Variants in CNTLN observed in about 807,000 individuals in gnomAD.
The protein encoded by CNTLN is centlein, centrosomal protein.
CNTLN carries 212 observed loss-of-function variants against 180.0 expected under a neutral mutation model. The ratio of observed to expected loss-of-function variants is 1.18; its 90% CI spans 1.05 to 1.32. The LOEUF (loss-of-function observed/expected upper bound fraction) is 1.32, where lower values mean the gene tolerates loss of function less well. Among genes scored for constraint, CNTLN ranks in the 40% most tolerant of loss-of-function variants. CNTLN has a pLI of 0.00. For synonymous variants in CNTLN, 722 were observed against 563.1 expected, an observed-to-expected ratio of 1.28 and a Z score of -3.99; for missense variants, 2,095 against 1,610.9, an observed-to-expected ratio of 1.30 and a Z score of -5.14.
At chr9:17,506,358 A>G (rs1275674093), downstream of CNTLN, among the ~76,000 whole-genome samples, 1 of 152,164 alleles carries the variant, frequency 6.6e-6, no homozygotes, top group Non-Finnish European at 1.5e-5. Flanking sequence ...CTGACAAAGG[A>G]TTCATATCTA....
In CNTLN at chr9:17,416,208, T is replaced by A. The variant is rs1327592873; in HGVS notation, c.3114+19T>A. The A allele has an allele frequency of 6.4e-7, 1 of 1,571,154 alleles. No homozygotes were observed. Among genetic ancestry groups the A allele is most frequent in the African/African-American group, 1.4e-5 (1 of 73,646 alleles). ...AATAAAGGTAAAGAGAACTTTAAGATTGAACAGTAGTATACTATATTGTAA... is the reference window on the plus strand; with the variant it reads ...AATAAAGGTAAAGAGAACTTTAAGAATGAACAGTAGTATACTATATTGTAA... On this transcript the variant is annotated intron_variant, in intron 18 of 25. Coordinates refer to ENST00000380647, the MANE Select transcript of CNTLN (RefSeq NM_017738.4).
chr9:17,309,450 C>T (rs1818971774), intron 8 of CNTLN, among the ~76,000 whole-genome samples, 198 bp downstream of exon 8: 1 of 152,014 alleles, frequency 6.6e-6, no homozygotes. Flanking sequence ...TATAGAAGTG[C>T]ATGTAGAAGT....
At chr9:17,445,494 C>G (rs933514706) in intron 18 of CNTLN, among the ~76,000 whole-genome samples, 6 of 152,122 alleles carry the variant, frequency 3.9e-5, no homozygotes, top group South Asian at 2.1e-4. Flanking sequence ...AACCTTACCC[C>G]CAACCCCGTG....
chr9:17,217,121 C>A (rs1823813268), intron 2 of CNTLN, among the ~76,000 whole-genome samples: 2 of 152,040 alleles, frequency 1.3e-5, no homozygotes, highest in South Asian at 4.2e-4. Context: ...GGAAGCTTAA[C>A]CAAATAGTCT....
intron 5 of CNTLN, among the ~76,000 whole-genome samples, chr9:17,244,762 G>A (rs1366655753): frequency 2.0e-5 from 3 of 151,812 alleles, no homozygotes; most frequent in African/African-American, 7.3e-5. Flanking sequence ...GATTTTCTCT[G>A]GTGGTATGAT....
the CNTLN span, among the ~76,000 whole-genome samples, chr9:17,520,083 T>A: frequency 6.6e-6 from 1 of 152,226 alleles, no homozygotes; most frequent in Non-Finnish European, 1.5e-5. Flanking sequence ...CAAATATTTA[T>A]TTTGCTTGTG....
At chr9:17,527,864 A>G in the CNTLN span, among the ~76,000 whole-genome samples, 3 of 152,088 alleles carry the variant, frequency 2.0e-5, no homozygotes, top group Non-Finnish European at 4.4e-5. Flanking sequence ...AAAATCCTGC[A>G]TTGATGGGGG....
chr9:17,423,336 G>A (rs559291839), intron 18 of CNTLN, among the ~76,000 whole-genome samples: 1 of 152,154 alleles, frequency 6.6e-6, no homozygotes, highest in Non-Finnish European at 1.5e-5. Context: ...CCCAGGGTGG[G>A]TCTAGAAATG....
chr9:17,478,595 A>G (rs1329324075), intron 23 of CNTLN, among the ~76,000 whole-genome samples: 1 of 151,858 alleles, frequency 6.6e-6, no homozygotes, highest in Non-Finnish European at 1.5e-5. Context: ...CCTGGACTCA[A>G]GCGTCTTCTA....
At chr9:17,319,136 C>T (rs1819738199) in intron 8 of CNTLN, among the ~76,000 whole-genome samples, 1 of 152,182 alleles carries the variant, frequency 6.6e-6, no homozygotes, top group African/African-American at 2.4e-5. Context: ...CAACGTATGT[C>T]ATTTTGTTAA....
At chr9:17,439,314 C>A (rs536366586) in intron 18 of CNTLN, among the ~76,000 whole-genome samples, 196 of 152,114 alleles carry the variant, frequency 1.3e-3, no homozygotes, top group African/African-American at 4.5e-3. Context: ...CATAACTAGG[C>A]CACAAAACAA....
intron 8 of CNTLN, among the ~76,000 whole-genome samples, chr9:17,329,647 G>A (rs1045415386): frequency 3.3e-5 from 5 of 151,608 alleles, no homozygotes; most frequent in African/African-American, 9.7e-5. Context: ...AAAATTTTGC[G>A]TATCCTCTCA....
chr9:17,489,717 TA>T (rs1258116906), intron 25 of CNTLN, among the ~76,000 whole-genome samples: 1 of 152,122 alleles, frequency 6.6e-6, no homozygotes, highest in Non-Finnish European at 1.5e-5. Context: ...GCATGAGAAC[TA>T]AAAGGTCTAA....
intron 2 of CNTLN, among the ~76,000 whole-genome samples, chr9:17,162,255 C>T (rs1334429736): frequency 6.6e-6 from 1 of 152,112 alleles, no homozygotes; most frequent in Non-Finnish European, 1.5e-5. Flanking sequence ...ACTGGGACTA[C>T]AGACACCCAC....
intron 15 of CNTLN, among the ~76,000 whole-genome samples, chr9:17,401,311 T>TA (rs1826954822): frequency 6.6e-6 from 1 of 152,208 alleles, no homozygotes; most frequent in Non-Finnish European, 1.5e-5. Context: ...CTTGAATCAT[T>TA]AAATAATATT....
intron 25 of CNTLN, among the ~76,000 whole-genome samples, chr9:17,490,390 A>G (rs562899185): frequency 6.6e-6 from 1 of 152,242 alleles, no homozygotes; most frequent in African/African-American, 2.4e-5. Flanking sequence ...GGTGAGTTTA[A>G]TATACTACAT....
At chr9:17,432,395 C>T (rs1334354420) in intron 18 of CNTLN, among the ~76,000 whole-genome samples, 1 of 152,012 alleles carries the variant, frequency 6.6e-6, no homozygotes, top group Non-Finnish European at 1.5e-5. Flanking sequence ...TAATTACATA[C>T]AGGAGAAGAG....
At chr9:17,305,242 G>A (rs1229626550) in intron 7 of CNTLN, among the ~76,000 whole-genome samples, 2 of 152,102 alleles carry the variant, frequency 1.3e-5, no homozygotes, top group Non-Finnish European at 2.9e-5. Flanking sequence ...ATGAAGAATA[G>A]TAAGGATAGT....
intron 2 of CNTLN, among the ~76,000 whole-genome samples, chr9:17,176,156 A>G (rs996154029): frequency 2.6e-5 from 4 of 152,048 alleles, no homozygotes; most frequent in African/African-American, 9.7e-5. Context: ...AAGAGTGGTG[A>G]GAGTGGCCAT....
Sources: gnomAD v4.1 joint callset for allele counts (sites outside exome capture counted in the v4.1 genomes callset) on GRCh38, gnomAD v4.1.1 for gene constraint, MANE v1.5 for transcripts, NCBI Gene and HGNC (gene_info 2026-07-23, HGNC 2026-07-21) for gene names.